Variants in MGAT4C observed in about 807,000 individuals in gnomAD.
The protein encoded by MGAT4C is alpha-1,3-mannosyl-glycoprotein 4-beta-N-acetylglucosaminyltransferase C.
Under a neutral mutation model 40.1 loss-of-function variants are expected in MGAT4C, and 19 were observed. The observed-to-expected ratio is 0.47, with a 90% CI of 0.33 to 0.70. The LOEUF (loss-of-function observed/expected upper bound fraction) is 0.70, where lower values mean the gene tolerates loss of function less well. Ranked by LOEUF, MGAT4C falls within the 30% of genes least tolerant of loss-of-function variation. The pLI is 0.02. For missense variants in MGAT4C, 491 were observed against 563.2 expected (o/e 0.87, Z 1.30); for synonymous variants, 181 against 187.1 (o/e 0.97, Z 0.27).
intron 1 of MGAT4C, among the ~76,000 whole-genome samples, chr12:86,835,848 C>T (rs982002812): frequency 1.3e-5 from 2 of 151,604 alleles, no homozygotes; most frequent in African/African-American, 2.4e-5. Context: ...ACAGCCAAAA[C>T]CCCCCTCCAC....
intron 3 of MGAT4C, among the ~76,000 whole-genome samples, chr12:86,340,105 T>G (rs1457052567): frequency 1.3e-5 from 2 of 152,226 alleles, no homozygotes; most frequent in Non-Finnish European, 2.9e-5. Context: ...AGTTACAATC[T>G]CCAGATTAGC....
chr12:86,749,366 A>C (rs549059769), intron 1 of MGAT4C, among the ~76,000 whole-genome samples: 1 of 151,854 alleles, frequency 6.6e-6, no homozygotes, highest in East Asian at 1.9e-4. Flanking sequence ...CATAAAATAC[A>C]TAGAAACTTT....
intron 1 of MGAT4C, among the ~76,000 whole-genome samples, chr12:86,142,683 G>T (rs902922933): frequency 6.6e-6 from 1 of 151,828 alleles, no homozygotes; most frequent in South Asian, 2.1e-4. Context: ...CATAGGTAGG[G>T]ATGGAGAGAG....
intron 3 of MGAT4C, among the ~76,000 whole-genome samples, chr12:86,374,672 T>C (rs1437486197): frequency 6.6e-6 from 1 of 152,168 alleles, no homozygotes; most frequent in African/African-American, 2.4e-5. Flanking sequence ...AAGGCATTTC[T>C]GGATCCACAG....
At chr12:86,160,660 A>G (rs957759098) in intron 1 of MGAT4C, among the ~76,000 whole-genome samples, 8 of 151,988 alleles carry the variant, frequency 5.3e-5, no homozygotes, top group African/African-American at 1.7e-4. Flanking sequence ...TCTATTTAAC[A>G]CTGTCAGTGG....
In MGAT4C at chr12:86,674,306, T is replaced by C. The variant is rs547359837; in HGVS notation, c.-229+52903A>G. On this transcript the variant is annotated intron_variant, in intron 2 of 7. Transcript: ENST00000548651. Reference sequence around the variant, plus strand: ...CAAAACTTTTTATAACATTTTTTCTTCCAGAAATTCTTGGGTAAAGATAAA... The same window carrying C: ...CAAAACTTTTTATAACATTTTTTCTCCCAGAAATTCTTGGGTAAAGATAAA... Among the ~76,000 whole-genome samples, 18 of 152,326 alleles carry C rather than the reference T, an allele frequency of 1.2e-4. No homozygotes were observed. The South Asian group carries it at 3.7e-3, about 32-fold the overall frequency.
At chr12:86,685,163 T>C (rs1001822437) in intron 2 of MGAT4C, among the ~76,000 whole-genome samples, 7 of 152,188 alleles carry the variant, frequency 4.6e-5, no homozygotes, top group African/African-American at 1.7e-4. Context: ...GTTTTTATGG[T>C]CCTAGATCTT....
chr12:86,740,292 A>C (rs186081040), intron 1 of MGAT4C, among the ~76,000 whole-genome samples: 3 of 151,214 alleles, frequency 2.0e-5, no homozygotes, highest in Admixed American at 2.0e-4. Flanking sequence ...AGTTGTAAAA[A>C]TAATCATGGT....
At chr12:86,381,491 A>G (rs900866767) in intron 3 of MGAT4C, among the ~76,000 whole-genome samples, 3 of 152,136 alleles carry the variant, frequency 2.0e-5, no homozygotes, top group Admixed American at 6.5e-5. Flanking sequence ...GGAAAAATCT[A>G]TCTCAACTCT....
At chr12:86,795,955 C>T (rs1240858913) in intron 1 of MGAT4C, among the ~76,000 whole-genome samples, 1 of 151,886 alleles carries the variant, frequency 6.6e-6, no homozygotes, top group Non-Finnish European at 1.5e-5. Context: ...AGAAAGAGAG[C>T]AACGTAAGAC....
intron 1 of MGAT4C, among the ~76,000 whole-genome samples, chr12:86,120,961 T>C (rs1879285579): frequency 6.6e-6 from 1 of 152,160 alleles, no homozygotes; most frequent in Non-Finnish European, 1.5e-5. Context: ...TAAAGGAGGA[T>C]GTTTGAACCC....
chr12:86,477,662 T>C (rs538554527), intron 2 of MGAT4C, among the ~76,000 whole-genome samples: 9 of 152,250 alleles, frequency 5.9e-5, no homozygotes, highest in African/African-American at 2.2e-4. Context: ...TTGTTACATA[T>C]GTATACATGT....
intron 1 of MGAT4C, among the ~76,000 whole-genome samples, chr12:86,160,841 T>C (rs1885514148): frequency 6.6e-6 from 1 of 152,080 alleles, no homozygotes; most frequent in South Asian, 2.1e-4. Flanking sequence ...TTCATTGTCC[T>C]TCTTAATTTT....
At chr12:86,121,112 T>G (rs891220083) in intron 1 of MGAT4C, among the ~76,000 whole-genome samples, 2 of 152,126 alleles carry the variant, frequency 1.3e-5, no homozygotes, top group African/African-American at 4.8e-5. Context: ...CAAGCTTCAG[T>G]AGCTGATTCA....
intron 2 of MGAT4C, among the ~76,000 whole-genome samples, chr12:86,538,448 C>T (rs961792284): frequency 6.6e-6 from 1 of 152,082 alleles, no homozygotes. Context: ...TTGGATCTTT[C>T]AGTAATGCCT....
At chr12:86,643,260 C>A (rs562910924) in intron 2 of MGAT4C, among the ~76,000 whole-genome samples, 1 of 151,654 alleles carries the variant, frequency 6.6e-6, no homozygotes, top group South Asian at 2.1e-4. Flanking sequence ...ATACACCTGC[C>A]GTTAGGTCCC....
At chr12:86,625,702 G>A (rs1259705026) in intron 2 of MGAT4C, among the ~76,000 whole-genome samples, 1 of 152,046 alleles carries the variant, frequency 6.6e-6, no homozygotes, top group African/African-American at 2.4e-5. Context: ...ACTATAGTAA[G>A]TTAATATGTA....
chr12:85,979,246 C>T lies in MGAT4C; in HGVS notation c.*43G>A. The T allele has an allele frequency of 6.8e-7, 1 of 1,467,344 alleles. No homozygotes were observed. Among genetic ancestry groups the T allele is most frequent in the Non-Finnish European group, 9.2e-7 (1 of 1,089,370 alleles). The allele number at this position is 1,467,344 out of a possible 1,614,324, so 90.9% of individuals were successfully genotyped here. A position where few individuals can be genotyped will look rare whatever the true frequency, so the allele number is the denominator to read the frequency against. ...AAGACAAAGGTAGCAAAAGACGAAG[C>T]AGGAAGAACTGCTTCAGAAACTGAA... On this transcript the variant is annotated 3_prime_UTR_variant, in exon 5 of 5. Coordinates refer to ENST00000611864, the MANE Select transcript of MGAT4C (RefSeq NM_001351288.2).
At chr12:86,151,331 G>A (rs1884243158) in intron 1 of MGAT4C, among the ~76,000 whole-genome samples, 1 of 151,956 alleles carries the variant, frequency 6.6e-6, no homozygotes, top group Non-Finnish European at 1.5e-5. Context: ...TGTTGACACT[G>A]GCCGGGCGCG....
Sources: gnomAD v4.1 joint callset for allele counts (sites outside exome capture counted in the v4.1 genomes callset) on GRCh38, gnomAD v4.1.1 for gene constraint, MANE v1.5 for transcripts, NCBI Gene and HGNC (gene_info 2026-07-23, HGNC 2026-07-21) for gene names.